The following JAKMIP1 variants were observed in gnomAD, a reference collection of about 807,000 sequenced individuals.
JAKMIP1 encodes the protein janus kinase and microtubule interacting protein 1, also known as janus kinase and microtubule-interacting protein 1.
In JAKMIP1, 33 loss-of-function variants were observed where a neutral mutation model predicts 113.0. The ratio of observed to expected loss-of-function variants is 0.29; its 90% CI spans 0.22 to 0.39. The LOEUF (loss-of-function observed/expected upper bound fraction) is 0.39. Ranked by LOEUF, JAKMIP1 falls within the 10% of genes least tolerant of loss-of-function variation. The probability of loss-of-function intolerance (pLI) is 1.00; values close to 1 mark genes in which losing one functional copy is unlikely to be tolerated. For synonymous variants in JAKMIP1, 480 were observed against 459.9 expected (o/e 1.04, Z -0.56); for missense variants, 813 against 1,080.5 (o/e 0.75, Z 3.47).
rs569061128 is a variant in JAKMIP1 at position 6,188,998 on chromosome 4, G to C, written c.-148+11255C>G. 7.2e-5 allele frequency among the ~76,000 whole-genome samples: 11 copies of C among 152,204 alleles called. No homozygotes were observed. Among genetic ancestry groups the C allele is most frequent in the African/African-American group, 2.7e-4 (11 of 41,454 alleles). ...CTGAGCCTGGAAGGCTCCAAGACTT[G>C]CTGAGGAAATCCAATTACTGCCGGG... On this transcript the variant is annotated intron_variant, in intron 1 of 20. Coordinates refer to ENST00000409021, the MANE Select transcript of JAKMIP1 (RefSeq NM_001099433.2). The surrounding 1 kb of genome is among the most constrained non-coding windows in gnomAD (Gnocchi z 5.8).
At chr4:6,055,837 G>A (rs1560117207) in intron 12 of JAKMIP1, among the ~76,000 whole-genome samples, 1 of 148,840 alleles carries the variant, frequency 6.7e-6, no homozygotes, top group African/African-American at 2.5e-5. Context: ...CCCCATCTCT[G>A]CAGGGTATCC....
chr4:6,130,810 G>T (rs758441854), intron 1 of JAKMIP1, among the ~76,000 whole-genome samples: 1 of 151,858 alleles, frequency 6.6e-6, no homozygotes, highest in Non-Finnish European at 1.5e-5. Flanking sequence ...TTCAACATAC[G>T]TCAATAGAAT....
intron 1 of JAKMIP1, among the ~76,000 whole-genome samples, chr4:6,182,273 G>A (rs1726114786): frequency 6.6e-6 from 1 of 151,930 alleles, no homozygotes; most frequent in East Asian, 1.9e-4. Context: ...GTCAGGTGTG[G>A]TGGTGCATAT....
At chr4:6,173,988 G>C (rs1362986691) in intron 1 of JAKMIP1, among the ~76,000 whole-genome samples, 2 of 152,200 alleles carry the variant, frequency 1.3e-5, no homozygotes, top group African/African-American at 4.8e-5. Context: ...ACAATCGCTT[G>C]AACCTGGAAG....
At chr4:6,096,631 C>A (rs1256933289) in intron 3 of JAKMIP1, among the ~76,000 whole-genome samples, 2 of 152,164 alleles carry the variant, frequency 1.3e-5, no homozygotes, top group Non-Finnish European at 2.9e-5. Flanking sequence ...GGATCCATGG[C>A]CTGAGGCTGA....
rs1727933097 is a variant in JAKMIP1, at chr4:6,197,050, T to C, written c.-148+3203A>G. On this transcript the variant is annotated intron_variant, in intron 1 of 20. Transcript: ENST00000409021. The surrounding 1 kb of genome is among the most constrained non-coding windows in gnomAD (Gnocchi z 6.5). Reference sequence around the variant, plus strand: ...CTTGGCTCCCTCTGCGGTGTTCACGTAGACCTCACCCTGTGTGGTGCCCGT... The same window carrying C: ...CTTGGCTCCCTCTGCGGTGTTCACGCAGACCTCACCCTGTGTGGTGCCCGT... Among the ~76,000 whole-genome samples the C allele has an allele frequency of 6.6e-6, 1 of 152,170 alleles. No homozygotes were observed. The highest frequency in any genetic ancestry group is 1.5e-5 in the Non-Finnish European group (1 of 68,040).
chr4:6,182,298 A>G (rs542025972), intron 1 of JAKMIP1, among the ~76,000 whole-genome samples: 1 of 151,992 alleles, frequency 6.6e-6, no homozygotes, highest in African/African-American at 2.4e-5. Flanking sequence ...AGTCCCAGCT[A>G]CTTGGGAGGC....
intron 1 of JAKMIP1, among the ~76,000 whole-genome samples, chr4:6,170,303 ATCATAACC>A (rs1724302902): frequency 7.0e-6 from 1 of 142,360 alleles, no homozygotes; most frequent in African/African-American, 2.7e-5. Flanking sequence ...TGTCAACACC[ATCATAACC>A]CTCTCCACCA....
rs200699458 is a variant in JAKMIP1 at position 6,084,874 on chromosome 4, G to A, written c.926C>T (p.Thr309Met). 2.9e-5 allele frequency: 46 copies of A among 1,573,162 alleles called. No homozygotes were observed. The East Asian group carries it at 4.3e-4, about 15-fold the overall frequency. ...SVIRKLEDRN[T>M]LLADERNELL... ...TTCATTCCTCTCATCTGCCAACAGC[G>A]TATTTCTGTCTTCCAGCTTCCGTAT... The change falls in exon 5 of 21, where the codon ACG becomes ATG. Residue 309 changes from threonine to methionine, a missense_variant. Thr to Met is a moderately conservative substitution (Grantham distance 81). This residue lies in a region of JAKMIP1 where 540 missense variants were observed against 653.9 expected (regional missense o/e 0.83). Coordinates refer to ENST00000409021, the MANE Select transcript of JAKMIP1 (RefSeq NM_001099433.2).
intron 11 of JAKMIP1, 122 bp downstream of exon 11, chr4:6,060,302 G>T: frequency 2.7e-6 from 2 of 754,410 alleles, no homozygotes; most frequent in African/African-American, 1.7e-5. Flanking sequence ...TTCCTCTAGC[G>T]TCTCTGGAGC....
intron 1 of JAKMIP1, among the ~76,000 whole-genome samples, chr4:6,132,534 T>G (rs1344798031): frequency 6.6e-6 from 1 of 151,388 alleles, no homozygotes; most frequent in Non-Finnish European, 1.5e-5. Flanking sequence ...CGCAGCTACT[T>G]GGGAGGCTGA....
chr4:6,054,895 C>A (rs1474598693), intron 12 of JAKMIP1: 1 of 456,024 alleles, frequency 2.2e-6, no homozygotes, highest in African/African-American at 2.0e-5. Flanking sequence ...GGTGATCCCA[C>A]CCCCGGGAGA....
chr4:6,126,672 C>A (rs1717711963), intron 1 of JAKMIP1, among the ~76,000 whole-genome samples: 1 of 149,008 alleles, frequency 6.7e-6, no homozygotes, highest in South Asian at 2.1e-4. Flanking sequence ...GCCCCCCCCA[C>A]ACACACCCAT....
intron 1 of JAKMIP1, among the ~76,000 whole-genome samples, chr4:6,113,814 G>A (rs1188540076): frequency 6.6e-6 from 1 of 152,218 alleles, no homozygotes; most frequent in Non-Finnish European, 1.5e-5. Context: ...CCCTACACGA[G>A]GATGGGTTCC....
intron 3 of JAKMIP1, among the ~76,000 whole-genome samples, chr4:6,098,533 A>G (rs10034393): frequency 0.38 from 30,430 of 80,144 alleles, 3,682 homozygotes; most frequent in Non-Finnish European, 0.46. Context: ...AAAGAGAGAG[A>G]GAGAGAGAAA....
At position 6,105,725 on chromosome 4, in the gene JAKMIP1, C is replaced by T. The variant is rs1185696215; in HGVS notation, c.372G>A (p.Ala124=). The change falls in exon 3 of 21, where the codon GCG becomes GCA. Residue 124 remains alanine (A), a synonymous_variant. Coordinates refer to ENST00000409021, the MANE Select transcript of JAKMIP1 (RefSeq NM_001099433.2). ...QATLNVLRDG[A]ADKVKTALLT... ...GCAGCGCCGTCTTGACCTTGTCGGC[C>T]GCGCCGTCGCGCAGCACGTTCAGCG... The T allele has an allele frequency of 1.9e-6, 3 of 1,601,044 alleles. No homozygotes were observed. The highest frequency in any genetic ancestry group is 1.1e-5 in the South Asian group (1 of 90,568).
intron 16 of JAKMIP1, among the ~76,000 whole-genome samples, chr4:6,048,089 T>G (rs569530637): frequency 6.6e-6 from 1 of 152,270 alleles, no homozygotes; most frequent in Admixed American, 6.5e-5. Context: ...ATAATACACA[T>G]AAAAAACTCA....
rs890860538 is a variant in JAKMIP1, at chr4:6,143,233, A to G, written c.-147-30236T>C. Among the ~76,000 whole-genome samples the G allele has an allele frequency of 6.6e-6, 1 of 152,222 alleles. No homozygotes were observed. Among genetic ancestry groups the G allele is most frequent in the Non-Finnish European group, 1.5e-5 (1 of 68,046 alleles). ...CGTGGTAGAGTTTGCAGAAAGCACT[A>G]TCTTAATTTTTGTTTTTATTTTCCT... On this transcript the variant is annotated intron_variant, in intron 1 of 20. Coordinates refer to ENST00000409021, the MANE Select transcript of JAKMIP1 (RefSeq NM_001099433.2). This position sits in a 1 kb window ranked among gnomAD's most constrained non-coding sequence, Gnocchi z 4.9.
chr4:6,056,791 A>G, intron 11 of JAKMIP1, 32 bp from the exon 12 acceptor site: 1 of 1,474,894 alleles, frequency 6.8e-7, no homozygotes, highest in Non-Finnish European at 9.5e-7. Context: ...GGTCACATTC[A>G]TGGAAGCAAA....
Sources: gnomAD v4.1 joint callset for allele counts (sites outside exome capture counted in the v4.1 genomes callset) on GRCh38, gnomAD v4.1.1 for gene constraint, gnomAD v4.1.1 regional missense constraint, Gnocchi (gnomAD v3.1) non-coding constraint, MANE v1.5 for transcripts, NCBI Gene and HGNC (gene_info 2026-07-23, HGNC 2026-07-21) for gene names.